Variants in STXBP5L observed in about 807,000 individuals in gnomAD.
The protein encoded by STXBP5L is syntaxin-binding protein 5-like.
Under a neutral mutation model 144.5 loss-of-function variants are expected in STXBP5L, and 65 were observed. The observed-to-expected ratio is 0.45, with a 90% CI of 0.37 to 0.55. The LOEUF is 0.55. Ranked by LOEUF, STXBP5L falls within the 20% of genes least tolerant of loss-of-function variation. The probability of loss-of-function intolerance (pLI) is 0.00; values close to 1 mark genes in which losing one functional copy is unlikely to be tolerated. For missense variants in STXBP5L, 1,298 were observed against 1,405.5 expected, an observed-to-expected ratio of 0.92 and a Z score of 1.22; for synonymous variants, 505 against 469.6, an observed-to-expected ratio of 1.08 and a Z score of -0.97.
chr3:121,034,248 A>G (rs189991832), intron 3 of STXBP5L, among the ~76,000 whole-genome samples: 2 of 152,176 alleles, frequency 1.3e-5, no homozygotes, highest in African/African-American at 4.8e-5. Flanking sequence ...CAAATAATAT[A>G]CCTTATACCC....
chr3:121,416,490 T>C (rs750036794), intron 25 of STXBP5L, among the ~76,000 whole-genome samples: 13,816 of 144,800 alleles, frequency 0.095, 957 homozygotes, highest in African/African-American at 0.18. Context: ...TTTATTTATT[T>C]ATTTATTTAT....
At chr3:121,306,022 A>T (rs1241928546) in intron 19 of STXBP5L, among the ~76,000 whole-genome samples, 1 of 152,230 alleles carries the variant, frequency 6.6e-6, no homozygotes, top group African/African-American at 2.4e-5. Context: ...AATACCATGT[A>T]CAGGATAGAC....
At chr3:120,927,977 C>T (rs1709725836) in intron 2 of STXBP5L, among the ~76,000 whole-genome samples, 1 of 151,842 alleles carries the variant, frequency 6.6e-6, no homozygotes, top group African/African-American at 2.4e-5. Flanking sequence ...GAACTTGGAA[C>T]AAAGATAAAT....
intron 2 of STXBP5L, among the ~76,000 whole-genome samples, chr3:120,930,989 C>T (rs550732859): frequency 6.6e-6 from 1 of 152,154 alleles, no homozygotes; most frequent in South Asian, 2.1e-4. Context: ...TAAAGGCTGA[C>T]CAAAATGCTA....
At chr3:121,059,355 ATGG>A (rs768810717) in intron 5 of STXBP5L, among the ~76,000 whole-genome samples, 1 of 152,162 alleles carries the variant, frequency 6.6e-6, no homozygotes, top group African/African-American at 2.4e-5. Context: ...TACCAGTACC[ATGG>A]TGTTTTCATT....
At chr3:121,364,336 A>T (rs926885930) in intron 20 of STXBP5L, among the ~76,000 whole-genome samples, 11 of 152,128 alleles carry the variant, frequency 7.2e-5, no homozygotes, top group African/African-American at 2.7e-4. Context: ...AACAGTACCA[A>T]AATGTCTTAT....
chr3:121,149,175 G>T (rs1473538851), intron 7 of STXBP5L, among the ~76,000 whole-genome samples: 2 of 151,830 alleles, frequency 1.3e-5, no homozygotes, highest in Non-Finnish European at 2.9e-5. Flanking sequence ...AGTTTCATGG[G>T]TATGTTTACT....
intron 3 of STXBP5L, among the ~76,000 whole-genome samples, chr3:121,035,269 T>C (rs1027148345): frequency 6.6e-6 from 1 of 152,200 alleles, no homozygotes; most frequent in African/African-American, 2.4e-5. Flanking sequence ...GAGGTCTTAA[T>C]AATGAATCCT....
intron 5 of STXBP5L, among the ~76,000 whole-genome samples, chr3:121,046,794 CAAA>C (rs1270063875): frequency 6.6e-6 from 1 of 151,560 alleles, no homozygotes; most frequent in East Asian, 1.9e-4. Flanking sequence ...TTTCTTATGT[CAAA>C]AAACCAACTC....
chr3:121,258,828 G>T (rs981306853), intron 17 of STXBP5L, among the ~76,000 whole-genome samples: 1 of 152,038 alleles, frequency 6.6e-6, no homozygotes, highest in Non-Finnish European at 1.5e-5. Flanking sequence ...TGAAGTTGTG[G>T]ACCTAACTGG....
At chr3:121,268,770 C>T (rs941489076) in intron 18 of STXBP5L, among the ~76,000 whole-genome samples, 26 of 151,578 alleles carry the variant, frequency 1.7e-4, no homozygotes, top group African/African-American at 5.1e-4. Context: ...AGTTAGCAGC[C>T]GGCCAAAAGA....
chr3:121,161,624 A>G (rs1000203992), intron 9 of STXBP5L, among the ~76,000 whole-genome samples: 1 of 151,986 alleles, frequency 6.6e-6, no homozygotes, highest in Non-Finnish European at 1.5e-5. Context: ...TGTTGATGGC[A>G]TTGTTCTTAT....
At chr3:121,191,188 C>T (rs1050829260) in intron 9 of STXBP5L, among the ~76,000 whole-genome samples, 13 of 152,222 alleles carry the variant, frequency 8.5e-5, no homozygotes, top group African/African-American at 2.4e-4. Context: ...CCAAGGCAGG[C>T]GGCTGGCAGG....
At chr3:121,223,295 C>T (rs2049028356) in intron 11 of STXBP5L, 138 bp downstream of exon 11, 1 of 814,780 alleles carries the variant, frequency 1.2e-6, no homozygotes, top group Non-Finnish European at 1.8e-6. Flanking sequence ...ACAGGTTCTG[C>T]AACTGTACCT....
chr3:120,997,799 T>C (rs1439334418), intron 3 of STXBP5L, among the ~76,000 whole-genome samples: 1 of 152,176 alleles, frequency 6.6e-6, no homozygotes, highest in African/African-American at 2.4e-5. Flanking sequence ...CAGGTCAATA[T>C]TGTCTTTGAA....
At chr3:121,316,678 T>A (rs2108527133) in intron 19 of STXBP5L, among the ~76,000 whole-genome samples, 1 of 152,350 alleles carries the variant, frequency 6.6e-6, no homozygotes, top group East Asian at 1.9e-4. Context: ...CTGTTATTAC[T>A]ATTACTACAA....
At chr3:120,935,320 G>A (rs1391770672) in intron 2 of STXBP5L, among the ~76,000 whole-genome samples, 3 of 149,582 alleles carry the variant, frequency 2.0e-5, no homozygotes, top group Non-Finnish European at 4.5e-5. Context: ...TTATAACTGC[G>A]TTCATTCATT....
intron 5 of STXBP5L, among the ~76,000 whole-genome samples, chr3:121,114,611 G>C (rs2044151697): frequency 6.6e-6 from 1 of 152,042 alleles, no homozygotes; most frequent in South Asian, 2.1e-4. Context: ...TCTTAGGCAA[G>C]TAAACAAAAA....
intron 3 of STXBP5L, among the ~76,000 whole-genome samples, chr3:120,985,785 C>G (rs948792628): frequency 6.6e-6 from 1 of 151,652 alleles, no homozygotes; most frequent in Non-Finnish European, 1.5e-5. Context: ...TCATTTCTGA[C>G]TTTAGTAATT....
Sources: allele counts gnomAD v4.1 joint callset (sites outside exome capture counted in the v4.1 genomes callset), GRCh38; gene constraint gnomAD v4.1.1; transcripts MANE v1.5; gene names NCBI Gene and HGNC (gene_info 2026-07-23, HGNC 2026-07-21).